The following RGS5 variants were observed in gnomAD, a reference collection of about 807,000 sequenced individuals.
RGS5 encodes the protein regulator of G protein signaling 5, also known as regulator of G-protein signalling 5.
Under a neutral mutation model 18.9 loss-of-function variants are expected in RGS5, and 20 were observed. That is an observed-to-expected ratio of 1.06 (90% confidence interval 0.74 to 1.54). RGS5 has a LOEUF of 1.54. RGS5 is among the 40% of genes most tolerant of loss of function. RGS5 has a pLI of 0.00. For missense variants in RGS5, 201 were observed against 211.8 expected (o/e 0.95, Z 0.32); for synonymous variants, 57 against 76.2 (o/e 0.75, Z 1.31).
intron 2 of RGS5, among the ~76,000 whole-genome samples, chr1:163,298,924 G>A (rs1463005231): frequency 6.6e-6 from 1 of 152,126 alleles, no homozygotes. Context: ...TGAAGATGCT[G>A]GAAATAAAAT....
rs759730341 is a variant in RGS5, at chr1:163,217,530, A to T, written c.65T>A (p.Ile22Asn). 8 of 1,537,420 alleles carry T rather than the reference A, an allele frequency of 5.2e-6. No homozygotes were observed. In the Admixed American group the frequency reaches 1.1e-4, roughly 20 times the overall value. Residue 22 changes from isoleucine (I) to asparagine (N), a missense_variant, in exon 1 of 6, where the codon ATC becomes AAC. Ile to Asn is a moderately radical substitution (Grantham distance 149, BLOSUM62 -3). Transcript: ENST00000367903. The stretch of plus-strand genomic sequence containing the variant: ...AAGACTAATATTTGTACATACATTG[A>T]TATGCCAATGAGCACTGTGCATCTG...
At chr1:163,265,774 T>A (rs1006364329) in intron 2 of RGS5, among the ~76,000 whole-genome samples, 12 of 152,164 alleles carry the variant, frequency 7.9e-5, no homozygotes, top group African/African-American at 2.9e-4. Context: ...CTTTTCCACA[T>A]AATCATCTTT....
Position 163,152,727 on chromosome 1 carries a change from A to G in RGS5, c.218-11T>C. The G allele has an allele frequency of 6.4e-7, 1 of 1,569,390 alleles. No homozygotes were observed. Among genetic ancestry groups the G allele is most frequent in the Non-Finnish European group, 8.6e-7 (1 of 1,163,476 alleles). Reference sequence around the variant, plus strand: ...AACTGGCAAGTCCATCTGGAAAGAAAAAAACAGTCAGCTGGAGAAATTTAT... The same window carrying G: ...AACTGGCAAGTCCATCTGGAAAGAAGAAAACAGTCAGCTGGAGAAATTTAT... On this transcript the variant is annotated splice_polypyrimidine_tract_variant and intron_variant, in intron 3 of 4. Coordinates refer to ENST00000313961, the MANE Select transcript of RGS5 (RefSeq NM_003617.4).
At chr1:163,229,301 G>A (rs1208294611) in intron 2 of RGS5, among the ~76,000 whole-genome samples, 1 of 152,084 alleles carries the variant, frequency 6.6e-6, no homozygotes, top group African/African-American at 2.4e-5. Flanking sequence ...TGCAAGCAGG[G>A]GAAATGCCAA....
At chr1:163,168,678 C>T (rs922007110) in intron 1 of RGS5, among the ~76,000 whole-genome samples, 6 of 151,982 alleles carry the variant, frequency 3.9e-5, no homozygotes, top group East Asian at 1.9e-4. Context: ...GATGAGGTCA[C>T]GGAATGACAG....
intron 2 of RGS5, among the ~76,000 whole-genome samples, chr1:163,293,932 G>C (rs954449322): frequency 2.6e-5 from 4 of 152,286 alleles, no homozygotes; most frequent in South Asian, 4.1e-4. Flanking sequence ...TTGGCTCCAT[G>C]TCTCACATCC....
chr1:163,171,541 G>A (rs965703365), intron 1 of RGS5, among the ~76,000 whole-genome samples: 1 of 152,018 alleles, frequency 6.6e-6, no homozygotes, highest in Non-Finnish European at 1.5e-5. Flanking sequence ...GGTTGTTTTG[G>A]TTTTAACTTT....
intron 1 of RGS5, among the ~76,000 whole-genome samples, chr1:163,316,718 T>A (rs1650035367): frequency 6.6e-6 from 1 of 152,248 alleles, no homozygotes; most frequent in Non-Finnish European, 1.5e-5. Context: ...TTTTATGTCA[T>A]CTTTTTATTT....
At chr1:163,255,457 T>A (rs1648246813) in intron 2 of RGS5, among the ~76,000 whole-genome samples, 1 of 152,156 alleles carries the variant, frequency 6.6e-6, no homozygotes, top group South Asian at 2.1e-4. Context: ...TCTGAAATAG[T>A]GGCAATAATC....
rs529596578 is a variant in RGS5, at chr1:163,262,066, G to A, written c.-281+44167C>T. Among the ~76,000 whole-genome samples the A allele has an allele frequency of 6.0e-5, 9 of 150,896 alleles. No homozygotes were observed. The South Asian group carries it at 1.5e-3, about 25-fold the overall frequency. ...ACAATCTAGAGGCGAGGAGGCAGTAGTCAAATGGGCTGACATGGTTAGTAC... is the reference window on the plus strand; with the variant it reads ...ACAATCTAGAGGCGAGGAGGCAGTAATCAAATGGGCTGACATGGTTAGTAC... On this transcript the variant is annotated intron_variant, in intron 2 of 5. Coordinates refer to the RGS5 transcript ENST00000618415.
At chr1:163,263,827 T>A (rs774965260) in intron 2 of RGS5, among the ~76,000 whole-genome samples, 5 of 151,356 alleles carry the variant, frequency 3.3e-5, no homozygotes, top group Non-Finnish European at 5.9e-5. Context: ...ACCTGAACCA[T>A]CCATTTTTTA....
intron 2 of RGS5, among the ~76,000 whole-genome samples, chr1:163,258,691 C>G (rs1365444477): frequency 6.6e-6 from 1 of 151,204 alleles, no homozygotes; most frequent in Non-Finnish European, 1.5e-5. Flanking sequence ...TTTTTTTGAG[C>G]CAGTGTCTCT....
Position 163,259,254 on chromosome 1 carries a change from C to T in RGS5, c.-281+46979G>A, listed in dbSNP as rs146184010. On this transcript the variant is annotated intron_variant, in intron 2 of 5. Transcript: ENST00000618415. ...GCAAGCTCCAACTTCCGGGTTCATG[C>T]CATTCTCCTGCCTCAGCCTCCCAAG... Among the ~76,000 whole-genome samples, 633 of 152,018 alleles carry T rather than the reference C, an allele frequency of 4.2e-3. 4 individuals are homozygous for T. The highest frequency in any genetic ancestry group is 0.014 in the African/African-American group (586 of 41,476).
intron 2 of RGS5, among the ~76,000 whole-genome samples, chr1:163,162,240 G>T (rs1657832247): frequency 6.6e-6 from 1 of 152,084 alleles, no homozygotes; most frequent in Admixed American, 6.6e-5. Context: ...GAGTTCGTTT[G>T]ACATTAAGCT....
chr1:163,248,134 A>C (rs1348876917), intron 2 of RGS5: 2 of 152,156 alleles, frequency 1.3e-5, no homozygotes, highest in Non-Finnish European at 2.9e-5. Flanking sequence ...AGTAAGAGCA[A>C]AGATAAAACC....
At chr1:163,243,308 G>A (rs1647838628) in intron 2 of RGS5, among the ~76,000 whole-genome samples, 1 of 152,088 alleles carries the variant, frequency 6.6e-6, no homozygotes, top group Non-Finnish European at 1.5e-5. Flanking sequence ...GGAGTAAAGG[G>A]GAGGGAGAGC....
At chr1:163,150,537 C>T (rs962312242) in intron 4 of RGS5, among the ~76,000 whole-genome samples, 2 of 152,052 alleles carry the variant, frequency 1.3e-5, no homozygotes, top group Admixed American at 6.6e-5. Context: ...AACATGCTGA[C>T]AGAAGAAAGG....
At position 163,186,072 on chromosome 1, in the gene RGS5, T is replaced by C. The variant is rs866563613; in HGVS notation, c.44+16720A>G. Among the ~76,000 whole-genome samples, 3 of 43,604 alleles carry C rather than the reference T, an allele frequency of 6.9e-5. No homozygotes were observed. The South Asian group carries it at 6.2e-3, about 90-fold the overall frequency. 28.6% of individuals were successfully genotyped at this position (43,604 alleles called of 152,430 possible). A position where few individuals can be genotyped will look rare whatever the true frequency, so the allele number is the denominator to read the frequency against. On this transcript the variant is annotated intron_variant, in intron 1 of 4. Transcript: ENST00000313961. ...CAAATAGAAATAGAGAAAAAAAAGG[T>C]CTTTTTTTTTTTTTTTTGACATAGA...
At chr1:163,315,304 T>A (rs1022857856) in intron 1 of RGS5, among the ~76,000 whole-genome samples, 1 of 152,140 alleles carries the variant, frequency 6.6e-6, no homozygotes, top group Admixed American at 6.5e-5. Flanking sequence ...TTCCTGTAAT[T>A]CCAGCACTTT....
Sources: allele counts gnomAD v4.1 joint callset (sites outside exome capture counted in the v4.1 genomes callset), GRCh38; gene constraint gnomAD v4.1.1; transcripts MANE v1.5; gene names NCBI Gene and HGNC (gene_info 2026-07-23, HGNC 2026-07-21).